UBN2: variants seen among roughly 807,000 people sequenced by gnomAD.
The protein encoded by UBN2 is ubinuclein-2.
Under a neutral mutation model 120.2 loss-of-function variants are expected in UBN2, and 35 were observed. That is an observed-to-expected ratio of 0.29 (90% confidence interval 0.22 to 0.39). The LOEUF (loss-of-function observed/expected upper bound fraction) is 0.39. Among genes scored for constraint, UBN2 ranks in the 10% least tolerant of loss-of-function variants. UBN2 has a pLI of 1.00. For synonymous variants in UBN2, 661 were observed against 648.7 expected, an observed-to-expected ratio of 1.02 and a Z score of -0.29; for missense variants, 1,693 against 1,663.2, an observed-to-expected ratio of 1.02 and a Z score of -0.31.
the UBN2 span, among the ~76,000 whole-genome samples, chr7:139,320,065 G>A: frequency 2.0e-5 from 3 of 148,808 alleles, no homozygotes; most frequent in Non-Finnish European, 4.4e-5. Flanking sequence ...GACAGAGCGA[G>A]ACTCCGTCTC....
the UBN2 span, among the ~76,000 whole-genome samples, chr7:139,324,526 A>G: frequency 5.1e-5 from 7 of 137,706 alleles, no homozygotes; most frequent in East Asian, 1.6e-3. Flanking sequence ...ACAGCACTCC[A>G]GCCTGGGAGA....
At position 139,298,071 on chromosome 7, in the gene UBN2, CAG is replaced by C. The variant is rs1307138780; in HGVS notation, c.*238_*239del. ...ACCTTTGGTCTCTTCTAAAGAATGACAGAGTTACCGTATTAACAGACTTGAAA... is the reference window on the plus strand; with the variant it reads ...ACCTTTGGTCTCTTCTAAAGAATGACAGTTACCGTATTAACAGACTTGAAA... On this transcript the variant is annotated 3_prime_UTR_variant, in exon 18 of 18. Transcript: ENST00000473989. 1.3e-4 allele frequency: 64 copies of C among 474,528 alleles called. No homozygotes were observed. The highest frequency in any genetic ancestry group is 2.2e-4 in the Non-Finnish European group (58 of 265,314). 29.4% of individuals were successfully genotyped at this position (474,528 alleles called of 1,614,324 possible).
intron 6 of UBN2, among the ~76,000 whole-genome samples, chr7:139,265,699 A>G (rs1386166257): frequency 6.6e-6 from 1 of 152,132 alleles, no homozygotes; most frequent in African/African-American, 2.4e-5. Context: ...GGTGTTTTAC[A>G]CACACAGGAG....
Position 139,283,845 on chromosome 7 carries a change from C to T in UBN2, c.2940C>T (p.Tyr980=). 6.2e-7 allele frequency: 1 copy of T among 1,614,126 alleles called. No homozygotes were observed. The highest frequency in any genetic ancestry group is 8.5e-7 in the Non-Finnish European group (1 of 1,180,036). The stretch of plus-strand genomic sequence containing the variant: ...AGACTTCAGATAAGCCACTTATGTA[C>T]CGCCTTCCCTTATCTACCCCCTCAC... ...LIKTSDKPLM[Y]RLPLSTPSPG... is the part of the protein sequence containing the mutation. Residue 980 remains tyrosine, a synonymous_variant, in exon 15 of 18, where the codon TAC becomes TAT. Coordinates refer to ENST00000473989, the MANE Select transcript of UBN2 (RefSeq NM_173569.4).
intron 17 of UBN2, among the ~76,000 whole-genome samples, chr7:139,295,586 A>G (rs1262094596): frequency 6.6e-6 from 1 of 152,232 alleles, no homozygotes; most frequent in African/African-American, 2.4e-5. Context: ...GAAAGGAAAT[A>G]TGACTGTCAG....
intron 11 of UBN2, 99 bp from the exon 12 acceptor site, chr7:139,275,998 T>G (rs1288552537): frequency 1.1e-6 from 1 of 891,614 alleles, no homozygotes; most frequent in African/African-American, 1.7e-5. Flanking sequence ...AAATAAGCAG[T>G]AATAGTCTAC....
chr7:139,231,258 AT>A lies in UBN2; in HGVS notation c.-226del, dbSNP rs1795997690. Among the ~76,000 whole-genome samples, 1 of 152,172 alleles carries A rather than the reference AT, an allele frequency of 6.6e-6. No individual in the cohort carries two copies. The highest frequency in any genetic ancestry group is 1.5e-5 in the Non-Finnish European group (1 of 68,028). ...CGGCCTGCTTCTATTTATGTGGGGGATCCAACATGGCGGCCGCGGCGACCCT... is the reference window on the plus strand; with the variant it reads ...CGGCCTGCTTCTATTTATGTGGGGGACCAACATGGCGGCCGCGGCGACCCT... On this transcript the variant is annotated 5_prime_UTR_variant, in exon 1 of 18. It introduces an in-frame stop codon into an upstream open reading frame of the 5' UTR. Coordinates refer to ENST00000473989, the MANE Select transcript of UBN2 (RefSeq NM_173569.4).
rs1243433943 is a variant in UBN2 at position 139,258,485 on chromosome 7, T to C, written c.664-3T>C. On this transcript the variant is annotated splice_region_variant and splice_polypyrimidine_tract_variant and intron_variant, in intron 3 of 17. Transcript: ENST00000473989. ...GCGGAAACTTTTTTGTTTTTTAATC[T>C]AGTATGATGAATTAGTTCCCGCTTC... The C allele has an allele frequency of 1.9e-6, 3 of 1,559,068 alleles. No homozygotes were observed. The highest frequency in any genetic ancestry group is 2.8e-5 in the African/African-American group (2 of 72,184).
At chr7:139,264,834 G>A (rs925252687) in intron 6 of UBN2, among the ~76,000 whole-genome samples, 5 of 152,024 alleles carry the variant, frequency 3.3e-5, no homozygotes, top group East Asian at 1.9e-4. Flanking sequence ...TGATCCACCC[G>A]CTTGGCCTGC....
In UBN2 at chr7:139,231,752, C is replaced by G. The variant is rs1486715953; in HGVS notation, c.268C>G (p.Pro90Ala). 1.6e-6 allele frequency: 2 copies of G among 1,215,076 alleles called. No homozygotes were observed. Among genetic ancestry groups the G allele is most frequent in the Non-Finnish European group, 2.0e-6 (2 of 981,828 alleles). The allele number at this position is 1,215,076 out of a possible 1,614,324, so 75.3% of individuals were successfully genotyped here. A position where few individuals can be genotyped will look rare whatever the true frequency, so the allele number is the denominator to read the frequency against. Residue 90 changes from proline (P) to alanine (A), a missense_variant, in exon 1 of 18, where the codon CCC becomes GCC. Around this residue, in one of 5 missense-constraint regions of UBN2, gnomAD observed 663 missense variants for 591.2 expected, o/e 1.12. Transcript: ENST00000473989. ...GCCGCCCATGTCGCTGCAGCGGGAG[C>G]CCCCGCGGCCCGAGCCGCCGCCGCC... ...AEPPMSLQRE[P>A]PRPEPPPPFP...
At chr7:139,264,782 G>T (rs1375282691) in intron 6 of UBN2, among the ~76,000 whole-genome samples, 2 of 152,036 alleles carry the variant, frequency 1.3e-5, no homozygotes, top group East Asian at 3.9e-4. Context: ...TAGAGACGGG[G>T]TTTCACCATG....
chr7:139,317,580 CTTATTACTT>C, the UBN2 span, among the ~76,000 whole-genome samples: 1 of 152,106 alleles, frequency 6.6e-6, no homozygotes, highest in Non-Finnish European at 1.5e-5. Context: ...TTTCCATCTC[CTTATTACTT>C]TTCGGTACCT....
At chr7:139,244,975 C>G (rs1194451337) in intron 2 of UBN2, among the ~76,000 whole-genome samples, 1 of 151,922 alleles carries the variant, frequency 6.6e-6, no homozygotes, top group Admixed American at 6.6e-5. Context: ...TCTTCATCAC[C>G]CAGACTGGAG....
chr7:139,283,370 A>G lies in UBN2; in HGVS notation c.2465A>G (p.Asp822Gly), dbSNP rs1420427992. 3.1e-6 allele frequency: 5 copies of G among 1,614,036 alleles called. No individual in the cohort carries two copies. The highest frequency in any genetic ancestry group is 1.7e-5 in the Admixed American group (1 of 60,000). ...KLPLATPKKL[D>G]STQTTHSSSL... ...CCACTAGCTACTCCCAAAAAACTAG[A>G]TTCTACTCAGACTACACATTCTTCA... The change falls in exon 15 of 18, where the codon GAT (aspartate) becomes GGT (glycine). Residue 822 changes from aspartate to glycine, a missense_variant. Physicochemically the swap from Asp to Gly is moderately conservative, Grantham distance 94. Transcript: ENST00000473989.
intron 15 of UBN2, among the ~76,000 whole-genome samples, chr7:139,287,669 CTTTTTTTT>C (rs60585708): frequency 7.2e-6 from 1 of 138,790 alleles, no homozygotes; most frequent in East Asian, 2.1e-4. Flanking sequence ...CATATCTGAT[CTTTTTTTT>C]TTTTTTTTCT....
the UBN2 span, among the ~76,000 whole-genome samples, chr7:139,327,374 T>G: frequency 2.0e-5 from 3 of 152,224 alleles, no homozygotes; most frequent in Non-Finnish European, 4.4e-5. Flanking sequence ...ATTAGTCTAT[T>G]TTGTGTTACT....
intron 15 of UBN2, among the ~76,000 whole-genome samples, chr7:139,291,400 A>G (rs1797954790): frequency 1.3e-5 from 2 of 151,728 alleles, no homozygotes; most frequent in African/African-American, 4.8e-5. Context: ...AACAAAAAAA[A>G]TACAAATTTA....
chr7:139,244,777 C>T (rs1173816591), intron 2 of UBN2, among the ~76,000 whole-genome samples: 1 of 152,028 alleles, frequency 6.6e-6, no homozygotes, highest in African/African-American at 2.4e-5. Flanking sequence ...TGTTATTTAG[C>T]TATTGTCTCC....
chr7:139,315,169 G>A, the UBN2 span: 2 of 151,350 alleles, frequency 1.3e-5, no homozygotes, highest in Non-Finnish European at 2.9e-5. Context: ...TAGAGACGGG[G>A]TTTCACTGTG....
Sources: gnomAD v4.1 joint callset for allele counts (sites outside exome capture counted in the v4.1 genomes callset) on GRCh38, gnomAD v4.1.1 for gene constraint, gnomAD v4.1.1 regional missense constraint, MANE v1.5 for transcripts, NCBI Gene and HGNC (gene_info 2026-07-23, HGNC 2026-07-21) for gene names.